FCER2: variants seen among roughly 807,000 people sequenced by gnomAD.
FCER2 encodes the protein Fc epsilon receptor II, also known as low affinity immunoglobulin epsilon Fc receptor.
In FCER2, 38 loss-of-function variants were observed where a neutral mutation model predicts 49.7. The observed-to-expected ratio is 0.76, with a 90% CI of 0.59 to 1.00. The LOEUF (loss-of-function observed/expected upper bound fraction) is 1.00, where lower values mean the gene tolerates loss of function less well. FCER2 is among the 50% of genes least tolerant of loss of function. The pLI is 0.00. For synonymous variants in FCER2, 163 were observed against 164.6 expected (o/e 0.99, Z 0.07); for missense variants, 425 against 419.5 (o/e 1.01, Z -0.11).
chr19:7,695,873 C>T (rs1341152187), intron 8 of FCER2, among the ~76,000 whole-genome samples: 1 of 150,656 alleles, frequency 6.6e-6, no homozygotes, highest in Non-Finnish European at 1.5e-5. Flanking sequence ...GCTATGATTG[C>T]ACCACTGCAT....
chr19:7,693,967 T>G (rs1260940629), intron 8 of FCER2, among the ~76,000 whole-genome samples: 1 of 133,616 alleles, frequency 7.5e-6, no homozygotes, highest in African/African-American at 3.0e-5. Flanking sequence ...TTTTTTTTTT[T>G]TTTTTAAAGA....
intron 10 of FCER2, 82 bp downstream of exon 10, chr19:7,690,077 T>A (rs1599431193): frequency 1.1e-6 from 1 of 907,608 alleles, no homozygotes. Flanking sequence ...CTCATCCGCT[T>A]TCCGATGCAG....
chr19:7,701,128 G>C lies in FCER2; in HGVS notation c.-86+887C>G, dbSNP rs527718320. On this transcript the variant is annotated intron_variant, in intron 1 of 10. Coordinates refer to ENST00000597921, the MANE Select transcript of FCER2 (RefSeq NM_001220500.2). ...CCCGACCAAGTCCTCTGACTTTAAAGCATCTACTATGTGCTGAGGAGCATG... is the reference window on the plus strand; with the variant it reads ...CCCGACCAAGTCCTCTGACTTTAAACCATCTACTATGTGCTGAGGAGCATG... 1.2e-4 allele frequency among the ~76,000 whole-genome samples: 19 copies of C among 152,330 alleles called. 1 individual carries two copies. In the South Asian group the frequency reaches 3.9e-3, roughly 32 times the overall value.
At position 7,697,560 on chromosome 19, in the gene FCER2, G is replaced by A. The variant is rs375829712; in HGVS notation, c.220C>T (p.His74Tyr). 8 of 1,613,944 alleles carry A rather than the reference G, an allele frequency of 5.0e-6. No individual in the cohort carries two copies. In the African/African-American group the frequency reaches 6.7e-5, roughly 13 times the overall value. Residue 74 changes from histidine to tyrosine, a missense_variant, in exon 5 of 11, where the codon CAC becomes TAC. Physicochemically the swap from His to Tyr is moderately conservative, Grantham distance 83 (BLOSUM62 2). Coordinates refer to ENST00000597921, the MANE Select transcript of FCER2 (RefSeq NM_001220500.2). ...VSQVSKNLES[H>Y]HGDQMAQKSQ... The stretch of plus-strand genomic sequence containing the variant: ...TTCTGCGCCATCTGGTCACCGTGGT[G>A]GCTTTCCAAGTTCTTGGAAACTTGA...
At position 7,697,069 on chromosome 19, in the gene FCER2, T is replaced by G; in HGVS notation, c.323A>C (p.Glu108Ala). The change falls in exon 7 of 11, where the codon GAG (glutamate) becomes GCG (alanine). Residue 108 changes from glutamate (E) to alanine (A), a missense_variant. By Grantham distance (107) the Glu-to-Ala change is moderately radical (BLOSUM62 -1). Coordinates refer to ENST00000597921, the MANE Select transcript of FCER2 (RefSeq NM_001220500.2). Reference protein sequence around the residue: ...EQQRLKSQDLELSWNLNGLQA... With the variant: ...EQQRLKSQDLALSWNLNGLQA... ...AAGCCCGTTCAGGTTCCAGGACAGC[T>G]CCAAGTCTGGTGTGTGCAGGAGCGC... is the stretch of plus-strand genomic sequence containing the variant. 2.5e-6 allele frequency: 4 copies of G among 1,613,184 alleles called. No homozygotes were observed. The highest frequency in any genetic ancestry group is 3.4e-6 in the Non-Finnish European group (4 of 1,179,632).
intron 8 of FCER2, among the ~76,000 whole-genome samples, chr19:7,695,720 C>T (rs2032992414): frequency 6.6e-6 from 1 of 152,088 alleles, no homozygotes; most frequent in African/African-American, 2.4e-5. Flanking sequence ...AGTTCAAGAC[C>T]AACCTGGGTA....
Position 7,691,765 on chromosome 19 carries a change from A to G in FCER2, c.470-1208T>C, listed in dbSNP as rs148152801. On this transcript the variant is annotated intron_variant, in intron 8 of 10. Coordinates refer to ENST00000597921, the MANE Select transcript of FCER2 (RefSeq NM_001220500.2). ...CACAAACAACTCCTCAACCACCATTACATCATCATAAATACACCCATGGCC... is the reference window on the plus strand; with the variant it reads ...CACAAACAACTCCTCAACCACCATTGCATCATCATAAATACACCCATGGCC... Among the ~76,000 whole-genome samples, 4 of 151,540 alleles carry G rather than the reference A, an allele frequency of 2.6e-5. No individual in the cohort carries two copies. In the East Asian group the frequency reaches 7.8e-4, roughly 30 times the overall value.
At chr19:7,698,675 T>G (rs1599441858) in intron 3 of FCER2, 66 bp downstream of exon 3, 1 of 1,566,180 alleles carries the variant, frequency 6.4e-7, no homozygotes. Flanking sequence ...GAGATGGGGG[T>G]GAAGGAGGGA....
At chr19:7,699,675 G>T in intron 2 of FCER2, 64 bp downstream of exon 2, 1 of 1,517,960 alleles carries the variant, frequency 6.6e-7, no homozygotes, top group Admixed American at 1.7e-5. Context: ...CTTCTCTTCT[G>T]GGTGAAAGGC....
intron 8 of FCER2, among the ~76,000 whole-genome samples, chr19:7,695,042 C>T (rs2032976980): frequency 6.6e-6 from 1 of 152,092 alleles, no homozygotes; most frequent in Non-Finnish European, 1.5e-5. Context: ...TGCTGTGTTG[C>T]CTAGGCTGGT....
chr19:7,690,104 C>T, intron 10 of FCER2, 55 bp downstream of exon 10: 1 of 1,131,806 alleles, frequency 8.8e-7, no homozygotes. Context: ...TAGGGAGCTC[C>T]TCCCTCCACG....
At chr19:7,694,992 A>C (rs1036619911) in intron 8 of FCER2, among the ~76,000 whole-genome samples, 4 of 152,036 alleles carry the variant, frequency 2.6e-5, no homozygotes, top group African/African-American at 9.7e-5. Context: ...ACATCACCAC[A>C]TCTGGCTAAT....
At chr19:7,698,108 A>C (rs556016349) in intron 4 of FCER2, among the ~76,000 whole-genome samples, 3 of 152,202 alleles carry the variant, frequency 2.0e-5, no homozygotes, top group Admixed American at 6.5e-5. Context: ...GTTTTGACTT[A>C]AACTATTTTC....
At chr19:7,695,115 C>T (rs1230691971) in intron 8 of FCER2, among the ~76,000 whole-genome samples, 1 of 152,114 alleles carries the variant, frequency 6.6e-6, no homozygotes, top group Non-Finnish European at 1.5e-5. Context: ...GGACTATAGG[C>T]GTGAGCCAGT....
chr19:7,697,554 C>A lies in FCER2; in HGVS notation c.226G>T (p.Gly76Cys), dbSNP rs72558007. 3 of 1,613,914 alleles carry A rather than the reference C, an allele frequency of 1.9e-6. No homozygotes were observed. Among genetic ancestry groups the A allele is most frequent in the Non-Finnish European group, 2.5e-6 (3 of 1,179,974 alleles). The change falls in exon 5 of 11, where the codon GGT (glycine) becomes TGT (cysteine). Residue 76 changes from glycine (G) to cysteine (C), a missense_variant. Coordinates refer to ENST00000597921, the MANE Select transcript of FCER2 (RefSeq NM_001220500.2). The stretch of plus-strand genomic sequence containing the variant: ...TGGGATTTCTGCGCCATCTGGTCAC[C>A]GTGGTGGCTTTCCAAGTTCTTGGAA... ...QVSKNLESHH[G>C]DQMAQKSQST...
intron 1 of FCER2, among the ~76,000 whole-genome samples, chr19:7,701,103 CCCGA>C (rs2033143866): frequency 6.6e-6 from 1 of 152,220 alleles, no homozygotes; most frequent in African/African-American, 2.4e-5. Context: ...AGCCACTGCG[CCCGA>C]CCAAGTCCTC....
chr19:7,692,251 C>T (rs113396914), intron 8 of FCER2, among the ~76,000 whole-genome samples: 225 of 96,102 alleles, frequency 2.3e-3, no homozygotes, highest in African/African-American at 0.014. Context: ...ACCAACACCA[C>T]TGTCATGAAC....
chr19:7,690,450 C>T lies in FCER2; in HGVS notation c.577G>A (p.Asp193Asn), dbSNP rs748703601. The change falls in exon 9 of 11, where the codon GAC becomes AAC. Residue 193 changes from aspartate to asparagine, a missense_variant. Coordinates refer to ENST00000597921, the MANE Select transcript of FCER2 (RefSeq NM_001220500.2). Reference sequence around the variant, plus strand: ...ATGCTGACCAGCTGCCCTTCCATGTCGTCACAGGCATACCGGGCGTGGACC... The same window carrying T: ...ATGCTGACCAGCTGCCCTTCCATGTTGTCACAGGCATACCGGGCGTGGACC... The part of the protein sequence containing the change: ...QWVHARYACD[D>N]MEGQLVSIHS... 2.9e-5 allele frequency: 46 copies of T among 1,614,008 alleles called. No homozygotes were observed. The highest frequency in any genetic ancestry group is 8.3e-5 in the Admixed American group (5 of 59,998).
At position 7,698,360 on chromosome 19, in the gene FCER2, C is replaced by T; in HGVS notation, c.186G>A (p.Arg62=). The change falls in exon 4 of 11, where the codon CGG becomes CGA. Residue 62 remains arginine (R), a synonymous_variant. Transcript: ENST00000597921. ...TCCACCTTGACCCCTTCATACCGTT[C>T]CGGGCAGCCCTCTCTTCCAGCTGTT... ...SLKQLEERAA[R]NVSQVSKNLE... 1 of 1,610,994 alleles carries T rather than the reference C, an allele frequency of 6.2e-7. No homozygotes were observed. Among genetic ancestry groups the T allele is most frequent in the East Asian group, 2.2e-5 (1 of 44,858 alleles).
Sources: allele counts gnomAD v4.1 joint callset (sites outside exome capture counted in the v4.1 genomes callset), GRCh38; gene constraint gnomAD v4.1.1; transcripts MANE v1.5; gene names NCBI Gene and HGNC (gene_info 2026-07-23, HGNC 2026-07-21).